The following OSBPL6 variants were observed in gnomAD, a reference collection of about 807,000 sequenced individuals.
OSBPL6 encodes oxysterol-binding protein-related protein 6.
In OSBPL6, 49 loss-of-function variants were observed where a neutral mutation model predicts 125.8. The ratio of observed to expected loss-of-function variants is 0.39; its 90% CI spans 0.31 to 0.49. The LOEUF is 0.49. Ranked by LOEUF, OSBPL6 falls within the 20% of genes least tolerant of loss-of-function variation. The probability of loss-of-function intolerance (pLI) is 0.88; values close to 1 mark genes in which losing one functional copy is unlikely to be tolerated. For synonymous variants in OSBPL6, 394 were observed against 391.8 expected (o/e 1.01, Z -0.07); for missense variants, 986 against 1,135.4 (o/e 0.87, Z 1.89).
At chr2:178,250,199 A>AT (rs2154001872) in intron 1 of OSBPL6, among the ~76,000 whole-genome samples, 2 of 152,356 alleles carry the variant, frequency 1.3e-5, no homozygotes, top group South Asian at 4.1e-4. Context: ...ATCCTGTAGC[A>AT]TCTTCCTAAG....
intron 20 of OSBPL6, 126 bp from the exon 21 acceptor site, chr2:178,388,883 C>A (rs1037413607): frequency 6.8e-6 from 7 of 1,022,364 alleles, no homozygotes; most frequent in Non-Finnish European, 8.5e-6. Flanking sequence ...GAGAGAATTT[C>A]AAGACACAAA....
At chr2:178,223,940 C>A (rs568991535) in intron 1 of OSBPL6, among the ~76,000 whole-genome samples, 1 of 152,188 alleles carries the variant, frequency 6.6e-6, no homozygotes, top group Non-Finnish European at 1.5e-5. Context: ...CATCAGGCTG[C>A]GGAAAACACA....
chr2:178,233,632 T>A (rs2090928407), intron 1 of OSBPL6, among the ~76,000 whole-genome samples: 1 of 152,100 alleles, frequency 6.6e-6, no homozygotes, highest in South Asian at 2.1e-4. Flanking sequence ...CCTCTGGAAA[T>A]GTTAAGGAGG....
chr2:178,320,333 T>C, intron 3 of OSBPL6: 1 of 1,612,874 alleles, frequency 6.2e-7, no homozygotes, highest in Non-Finnish European at 8.5e-7. Context: ...CAGTGAAATA[T>C]GTGTTCCAGG....
chr2:178,340,785 C>T (rs1690123835), intron 11 of OSBPL6, among the ~76,000 whole-genome samples: 1 of 152,178 alleles, frequency 6.6e-6, no homozygotes. Flanking sequence ...ATTTTGACTT[C>T]ATTAATAACA....
In OSBPL6 at chr2:178,361,753, G is replaced by A. The variant is rs757600748; in HGVS notation, c.1225G>A (p.Glu409Lys). 19 of 1,613,984 alleles carry A rather than the reference G, an allele frequency of 1.2e-5. No individual in the cohort carries two copies. Among genetic ancestry groups the A allele is most frequent in the South Asian group, 9.9e-5 (9 of 91,080 alleles). Residue 409 changes from glutamate to lysine, a missense_variant, in exon 13 of 25, where the codon GAG becomes AAG. Coordinates refer to ENST00000190611, the MANE Select transcript of OSBPL6 (RefSeq NM_032523.4). ...GGAGAAGCTGAAGCAGATGGTTTCC[G>A]AGCAGGATCACAGTAAAGGCCACAG... Reference protein sequence around the residue: ...EKEKLKQMVSEQDHSKGHSTQ... With the variant: ...EKEKLKQMVSKQDHSKGHSTQ...
intron 1 of OSBPL6, among the ~76,000 whole-genome samples, chr2:178,270,499 C>T (rs10202252): frequency 0.015 from 2,316 of 152,288 alleles, 64 homozygotes; most frequent in African/African-American, 0.052. Flanking sequence ...TTCCCAGCGT[C>T]ACGCAGTTAG....
chr2:178,323,432 A>G (rs1434818166), intron 3 of OSBPL6: 4 of 152,160 alleles, frequency 2.6e-5, no homozygotes, highest in Non-Finnish European at 5.9e-5. Flanking sequence ...GAAACTTTAG[A>G]GACTGAAGGG....
At chr2:178,337,464 T>C (rs1360671433) in intron 9 of OSBPL6, among the ~76,000 whole-genome samples, 1 of 152,220 alleles carries the variant, frequency 6.6e-6, no homozygotes, top group Non-Finnish European at 1.5e-5. Context: ...TATGTGAAAG[T>C]ATGATTTCCT....
chr2:178,300,895 A>G (rs1361685048), intron 2 of OSBPL6, among the ~76,000 whole-genome samples: 1 of 152,204 alleles, frequency 6.6e-6, no homozygotes, highest in Non-Finnish European at 1.5e-5. Flanking sequence ...TATTAAAACC[A>G]TATGAAAGTC....
intron 3 of OSBPL6, among the ~76,000 whole-genome samples, chr2:178,311,201 TCAGATGTG>T (rs992749610): frequency 1.6e-4 from 24 of 152,186 alleles, no homozygotes; most frequent in African/African-American, 5.5e-4. Context: ...AGTACATTCC[TCAGATGTG>T]CTAAGAACAC....
intron 1 of OSBPL6, among the ~76,000 whole-genome samples, chr2:178,250,300 C>T (rs2091646996): frequency 6.6e-6 from 1 of 152,110 alleles, no homozygotes; most frequent in Non-Finnish European, 1.5e-5. Flanking sequence ...TCTCATTTGC[C>T]AATATTTTTG....
chr2:178,354,990 G>A (rs558552960), intron 12 of OSBPL6, among the ~76,000 whole-genome samples: 1 of 152,154 alleles, frequency 6.6e-6, no homozygotes, highest in East Asian at 1.9e-4. Flanking sequence ...ATGACTACTG[G>A]GTAATTAACG....
intron 11 of OSBPL6, among the ~76,000 whole-genome samples, chr2:178,342,659 G>A (rs1690319951): frequency 6.6e-6 from 1 of 152,056 alleles, no homozygotes; most frequent in South Asian, 2.1e-4. Context: ...CAAACTTCCT[G>A]GTTCGAATAA....
chr2:178,197,682 T>C, intron 1 of OSBPL6, among the ~76,000 whole-genome samples: 1 of 152,182 alleles, frequency 6.6e-6, no homozygotes, highest in East Asian at 1.9e-4. Context: ...GTGGTTTCTC[T>C]CTCTTTCAAA....
intron 15 of OSBPL6, among the ~76,000 whole-genome samples, chr2:178,375,493 G>C (rs1693786305): frequency 1.3e-5 from 2 of 152,098 alleles, no homozygotes; most frequent in African/African-American, 4.8e-5. Flanking sequence ...CGCAATCTTG[G>C]CTCACCACAA....
At chr2:178,283,751 T>G (rs369314854) in intron 1 of OSBPL6, among the ~76,000 whole-genome samples, 1 of 152,162 alleles carries the variant, frequency 6.6e-6, no homozygotes, top group East Asian at 1.9e-4. Context: ...GGTGAGGGCC[T>G]CAGGCTGCTT....
chr2:178,201,751 C>CA (rs2089269977), intron 1 of OSBPL6, among the ~76,000 whole-genome samples: 1 of 152,218 alleles, frequency 6.6e-6, no homozygotes, highest in African/African-American at 2.4e-5. Context: ...ACATGGTCCA[C>CA]ATTAGAGTTA....
intron 1 of OSBPL6, among the ~76,000 whole-genome samples, chr2:178,218,278 A>G (rs146151825): frequency 1.3e-3 from 191 of 152,320 alleles, no homozygotes; most frequent in African/African-American, 3.7e-3. Context: ...TCTGTAGACA[A>G]GTCAGCCTCT....
Sources: gnomAD v4.1 joint callset for allele counts (sites outside exome capture counted in the v4.1 genomes callset) on GRCh38, gnomAD v4.1.1 for gene constraint, MANE v1.5 for transcripts, NCBI Gene and HGNC (gene_info 2026-07-23, HGNC 2026-07-21) for gene names.